The following GC variants were observed in gnomAD, a reference collection of about 807,000 sequenced individuals.
GC encodes the protein vitamin D-binding protein.
In GC, 43 loss-of-function variants were observed where a neutral mutation model predicts 56.7. That is an observed-to-expected ratio of 0.76 (90% CI 0.59 to 0.98). The LOEUF (loss-of-function observed/expected upper bound fraction) is 0.98. Ranked by LOEUF, GC falls within the 50% of genes least tolerant of loss-of-function variation. GC has a pLI of 0.00. For synonymous variants in GC, 216 were observed against 202.7 expected (o/e 1.07, Z -0.56); for missense variants, 529 against 545.9 (o/e 0.97, Z 0.31).
chr4:71,786,522 A>G (rs1425965609), upstream of GC, among the ~76,000 whole-genome samples: 1 of 151,830 alleles, frequency 6.6e-6, no homozygotes, highest in East Asian at 1.9e-4. Flanking sequence ...TAAGCAGTAG[A>G]ATTTTGCAGG....
At chr4:71,767,897 G>A (rs1742209829) in intron 3 of GC, among the ~76,000 whole-genome samples, 1 of 151,886 alleles carries the variant, frequency 6.6e-6, no homozygotes, top group Non-Finnish European at 1.5e-5. Flanking sequence ...ACTTATAAGT[G>A]AGAACATACG....
chr4:71,800,509 C>A (rs958798654), intron 1 of GC, among the ~76,000 whole-genome samples: 1 of 152,134 alleles, frequency 6.6e-6, no homozygotes, highest in Non-Finnish European at 1.5e-5. Context: ...GGTTCCATGT[C>A]TTTTCTATTG....
At chr4:71,782,580 T>A (rs551618795) in intron 1 of GC, among the ~76,000 whole-genome samples, 5 of 151,860 alleles carry the variant, frequency 3.3e-5, no homozygotes, top group Non-Finnish European at 7.4e-5. Context: ...AAATATAGAT[T>A]GCAGAATGCT....
intron 12 of GC, among the ~76,000 whole-genome samples, chr4:71,745,912 A>G (rs1326101240): frequency 3.3e-5 from 5 of 151,972 alleles, no homozygotes; most frequent in Admixed American, 2.0e-4. Context: ...ATTATGATGG[A>G]TGAAGCACAA....
intron 5 of GC, 62 bp from the exon 6 acceptor site, chr4:71,763,564 G>C: frequency 1.1e-6 from 1 of 942,040 alleles, no homozygotes; most frequent in Non-Finnish European, 1.7e-6. Context: ...TGTATAAATG[G>C]CAAAAATAGG....
chr4:71,802,486 C>T (rs1053318951), intron 1 of GC, among the ~76,000 whole-genome samples: 2 of 152,128 alleles, frequency 1.3e-5, no homozygotes, highest in Non-Finnish European at 2.9e-5. Flanking sequence ...TAAAAATTAA[C>T]GCATACAATA....
chr4:71,801,610 T>A (rs1275190130), intron 1 of GC, among the ~76,000 whole-genome samples: 2 of 152,164 alleles, frequency 1.3e-5, no homozygotes, highest in Non-Finnish European at 1.5e-5. Context: ...AGGGACCTCC[T>A]TAACGGTTTC....
rs573162532 is a variant in GC, at chr4:71,765,500, G to A, written c.405C>T (p.Thr135=). The A allele has an allele frequency of 2.5e-6, 4 of 1,614,050 alleles. No homozygotes were observed. Among genetic ancestry groups the A allele is most frequent in the East Asian group, 2.2e-5 (1 of 44,874 alleles). ...ALKHQPQEFP[T]YVEPTNDEIC... is the part of the protein sequence containing the mutation. ...TTTCATCATTTGTGGGTTCCACGTA[G>A]GTAGGGAATTCCTGTGGCTGGTGTT... The change falls in exon 4 of 13, where the codon ACC becomes ACT. Residue 135 remains threonine (T), a synonymous_variant. Coordinates refer to ENST00000273951, the MANE Select transcript of GC (RefSeq NM_000583.4).
At chr4:71,764,040 G>A in intron 4 of GC, 104 bp from the exon 5 acceptor site, 1 of 843,830 alleles carries the variant, frequency 1.2e-6, no homozygotes, top group South Asian at 1.6e-5. Context: ...TGGAGTACAT[G>A]GTATAATCAT....
intron 11 of GC, among the ~76,000 whole-genome samples, chr4:71,747,449 A>T (rs927126421): frequency 6.6e-6 from 1 of 152,212 alleles, no homozygotes; most frequent in African/African-American, 2.4e-5. Context: ...GAAGAGAGGA[A>T]TCATAGAAAG....
chr4:71,783,396 A>G (rs776024447), intron 1 of GC, among the ~76,000 whole-genome samples: 4 of 151,818 alleles, frequency 2.6e-5, no homozygotes, highest in Admixed American at 6.6e-5. Flanking sequence ...AATGAAAAAT[A>G]TAACTGAATT....
chr4:71,785,026 G>A (rs1742799851), upstream of GC, among the ~76,000 whole-genome samples: 2 of 151,670 alleles, frequency 1.3e-5, no homozygotes, highest in Admixed American at 1.3e-4. Flanking sequence ...AAATGGTCAG[G>A]TACAGGTTGT....
upstream of GC, among the ~76,000 whole-genome samples, chr4:71,784,654 G>A (rs776032272): frequency 1.6e-4 from 25 of 151,678 alleles, no homozygotes; most frequent in Non-Finnish European, 3.0e-4. Context: ...TTTCTATGCT[G>A]TATTGCACTT....
chr4:71,787,630 G>A (rs1742870598), upstream of GC, among the ~76,000 whole-genome samples: 1 of 151,788 alleles, frequency 6.6e-6, no homozygotes, highest in African/African-American at 2.4e-5. Context: ...GAGAATGGGA[G>A]GGGTAAGAGT....
At chr4:71,765,896 A>G (rs908148891) in intron 3 of GC, among the ~76,000 whole-genome samples, 1 of 152,170 alleles carries the variant, frequency 6.6e-6, no homozygotes, top group African/African-American at 2.4e-5. Context: ...ACAAATGGAC[A>G]GTGTTTATCT....
rs754055486 is a variant in GC at position 71,754,542 on chromosome 4, T to A, written c.1165-34A>T. On this transcript the variant is annotated intron_variant, in intron 9 of 12. Transcript: ENST00000273951. ...AAACAATAATTGCATAACAAAATTA[T>A]TTGTCTTGAAACCTTGTCCCATCAA... The A allele has an allele frequency of 1.2e-5, 13 of 1,129,140 alleles. No homozygotes were observed. The South Asian group carries it at 1.7e-4, about 15-fold the overall frequency. 69.9% of individuals were successfully genotyped at this position (1,129,140 alleles called of 1,614,324 possible).
At chr4:71,791,011 A>G (rs1004363488) in intron 1 of GC, among the ~76,000 whole-genome samples, 2 of 152,010 alleles carry the variant, frequency 1.3e-5, no homozygotes, top group Admixed American at 1.3e-4. Flanking sequence ...AAAAGAAGAC[A>G]TTTATGCAGC....
intron 6 of GC, among the ~76,000 whole-genome samples, chr4:71,761,269 T>C (rs1741966369): frequency 6.6e-6 from 1 of 152,178 alleles, no homozygotes; most frequent in Non-Finnish European, 1.5e-5. Flanking sequence ...AAGAGACTGG[T>C]GACATTTTGC....
intron 10 of GC, among the ~76,000 whole-genome samples, chr4:71,753,849 T>C (rs912414280): frequency 2.6e-5 from 4 of 152,198 alleles, no homozygotes; most frequent in Admixed American, 6.5e-5. Flanking sequence ...AGGTCCTCAA[T>C]TTTGTACAGC....
Sources: gnomAD v4.1 joint callset for allele counts (sites outside exome capture counted in the v4.1 genomes callset) on GRCh38, gnomAD v4.1.1 for gene constraint, MANE v1.5 for transcripts, NCBI Gene and HGNC (gene_info 2026-07-23, HGNC 2026-07-21) for gene names.